The following CCSER1 variants were observed in gnomAD, a reference collection of about 807,000 sequenced individuals.
CCSER1 encodes the protein coiled-coil serine rich protein 1.
CCSER1 carries 41 observed loss-of-function variants against 82.0 expected under a neutral mutation model. That is an observed-to-expected ratio of 0.50 (90% CI 0.39 to 0.65). CCSER1 has a LOEUF of 0.65. CCSER1 is among the 30% of genes least tolerant of loss of function. The pLI is 0.00. For missense variants in CCSER1, 1,119 were observed against 1,064.2 expected (o/e 1.05, Z -0.72); for synonymous variants, 414 against 383.9 (o/e 1.08, Z -0.92).
At chr4:90,482,060 G>A (rs9683805) in intron 5 of CCSER1, among the ~76,000 whole-genome samples, 2,352 of 152,280 alleles carry the variant, frequency 0.015, 40 homozygotes, top group African/African-American at 0.045. Flanking sequence ...CCTGTTATTA[G>A]TCTATTCAGA....
intron 3 of CCSER1, among the ~76,000 whole-genome samples, chr4:90,369,690 A>C (rs1490834527): frequency 3.9e-5 from 6 of 151,972 alleles, no homozygotes; most frequent in African/African-American, 1.4e-4. Flanking sequence ...AAACTACATG[A>C]TCTTACAGAT....
In CCSER1 at chr4:91,583,955, A is replaced by G. The variant is rs111971749; in HGVS notation, c.2218-14617A>G. Reference sequence around the variant, plus strand: ...GTTTTGAAACATTCTGGATACTAGAATGCTGTACAGCTTTGTTTGTTTCCT... The same window carrying G: ...GTTTTGAAACATTCTGGATACTAGAGTGCTGTACAGCTTTGTTTGTTTCCT... On this transcript the variant is annotated intron_variant, in intron 10 of 10. Transcript: ENST00000509176. Among the ~76,000 whole-genome samples, 847 of 151,588 alleles carry G rather than the reference A, an allele frequency of 5.6e-3. 9 individuals are homozygous for G. The highest frequency in any genetic ancestry group is 0.019 in the African/African-American group (789 of 41,490).
intron 10 of CCSER1, among the ~76,000 whole-genome samples, chr4:91,218,179 G>A (rs565864342): frequency 6.6e-6 from 1 of 152,196 alleles, no homozygotes; most frequent in Non-Finnish European, 1.5e-5. Flanking sequence ...ACTGCTGGGG[G>A]ACTCAGTACA....
chr4:91,218,260 CGA>C (rs1369444571), intron 10 of CCSER1, among the ~76,000 whole-genome samples: 1 of 152,108 alleles, frequency 6.6e-6, no homozygotes, highest in Non-Finnish European at 1.5e-5. Flanking sequence ...CTGGCTGCTC[CGA>C]GAGCGGGGCC....
chr4:90,705,399 C>T (rs1434783577), intron 6 of CCSER1, among the ~76,000 whole-genome samples: 1 of 152,230 alleles, frequency 6.6e-6, no homozygotes, highest in Non-Finnish European at 1.5e-5. Context: ...GGTTGCCTCC[C>T]AGTTAGGCTA....
At chr4:90,391,828 A>G (rs1360950969) in intron 3 of CCSER1, among the ~76,000 whole-genome samples, 3 of 151,816 alleles carry the variant, frequency 2.0e-5, no homozygotes, top group African/African-American at 7.2e-5. Context: ...GATTTTTTTT[A>G]TATGTGAAAG....
intron 1 of CCSER1, among the ~76,000 whole-genome samples, chr4:90,267,779 T>A (rs1245299355): frequency 2.0e-5 from 3 of 152,200 alleles, no homozygotes; most frequent in Non-Finnish European, 2.9e-5. Context: ...TAACTGGGCT[T>A]GGGTACCCCC....
chr4:91,172,279 A>G (rs924154531), intron 10 of CCSER1, among the ~76,000 whole-genome samples: 1 of 152,214 alleles, frequency 6.6e-6, no homozygotes, highest in African/African-American at 2.4e-5. Flanking sequence ...TATTGTTAAA[A>G]GAAATTTTGT....
chr4:90,727,426 C>A (rs950595896), intron 7 of CCSER1: 25 of 373,254 alleles, frequency 6.7e-5, no homozygotes, highest in African/African-American at 5.1e-4. Flanking sequence ...TTTCTGAGGA[C>A]TAAACCTGAA....
chr4:91,137,205 C>T (rs1728565261), intron 10 of CCSER1, among the ~76,000 whole-genome samples: 1 of 118,076 alleles, frequency 8.5e-6, no homozygotes, highest in Non-Finnish European at 1.8e-5. Flanking sequence ...TATTCCCCTT[C>T]ATGTGTCCAT....
intron 10 of CCSER1, among the ~76,000 whole-genome samples, chr4:91,464,830 T>C (rs1214030210): frequency 6.6e-6 from 1 of 152,128 alleles, no homozygotes; most frequent in Admixed American, 6.5e-5. Flanking sequence ...ATGCACCCAA[T>C]ACAGGAACAC....
chr4:90,873,766 T>C (rs1216181556), intron 8 of CCSER1, among the ~76,000 whole-genome samples: 1 of 152,082 alleles, frequency 6.6e-6, no homozygotes, highest in Non-Finnish European at 1.5e-5. Context: ...AAGCTAACAT[T>C]TGGGGACAAA....
chr4:90,960,792 A>T (rs903016665), intron 9 of CCSER1, among the ~76,000 whole-genome samples: 14 of 152,120 alleles, frequency 9.2e-5, no homozygotes, highest in African/African-American at 3.1e-4. Context: ...ACAAGACTAG[A>T]TTGGGTCTAG....
chr4:90,632,902 T>G, intron 6 of CCSER1, among the ~76,000 whole-genome samples: 1 of 152,126 alleles, frequency 6.6e-6, no homozygotes, highest in Non-Finnish European at 1.5e-5. Flanking sequence ...ACCTATCAAA[T>G]CAATTTACTC....
intron 8 of CCSER1, among the ~76,000 whole-genome samples, chr4:90,879,506 A>AGAG (rs1404190448): frequency 1.6e-3 from 213 of 131,182 alleles, no homozygotes; most frequent in African/African-American, 6.1e-3. Context: ...AAGAAGAAGA[A>AGAG]GAAGAAGAAG....
At chr4:91,491,885 G>C (rs532388940) in intron 10 of CCSER1, among the ~76,000 whole-genome samples, 1 of 146,074 alleles carries the variant, frequency 6.8e-6, no homozygotes, top group East Asian at 2.0e-4. Context: ...CTACTCATCA[G>C]AAAAAAATTC....
At chr4:91,384,987 A>G (rs1282012905) in intron 10 of CCSER1, among the ~76,000 whole-genome samples, 1 of 152,080 alleles carries the variant, frequency 6.6e-6, no homozygotes, top group Non-Finnish European at 1.5e-5. Context: ...GCATCTGGGA[A>G]TGAAGAGTAG....
At chr4:90,812,960 A>G (rs1042822456) in intron 7 of CCSER1, among the ~76,000 whole-genome samples, 3 of 152,180 alleles carry the variant, frequency 2.0e-5, no homozygotes, top group Non-Finnish European at 4.4e-5. Context: ...GGGTGGGATC[A>G]CAGAGACAAA....
chr4:90,308,928 A>T lies in CCSER1; in HGVS notation c.644A>T (p.Gln215Leu). 6.2e-7 allele frequency: 1 copy of T among 1,613,872 alleles called. No individual in the cohort carries two copies. The highest frequency in any genetic ancestry group is 8.5e-7 in the Non-Finnish European group (1 of 1,179,818). ...QQSEFSLEVT[Q>L]YQEREPVLVR... ...TCTGAATTCTCATTGGAAGTTACAC[A>T]GTACCAAGAGAGAGAACCTGTATTA... The change falls in exon 2 of 11, where the codon CAG (glutamine) becomes CTG (leucine). Residue 215 changes from glutamine (Q) to leucine (L), a missense_variant. Transcript: ENST00000509176.
Sources: gnomAD v4.1 joint callset for allele counts (sites outside exome capture counted in the v4.1 genomes callset) on GRCh38, gnomAD v4.1.1 for gene constraint, MANE v1.5 for transcripts, NCBI Gene and HGNC (gene_info 2026-07-23, HGNC 2026-07-21) for gene names.